Variants in KIAA1217 observed in about 807,000 individuals in gnomAD.
KIAA1217 encodes KIAA1217.
In KIAA1217, 88 loss-of-function variants were observed where a neutral mutation model predicts 163.9. The ratio of observed to expected loss-of-function variants is 0.54; its 90% CI spans 0.45 to 0.64. The LOEUF (loss-of-function observed/expected upper bound fraction) is 0.64. Ranked by LOEUF, KIAA1217 falls within the 30% of genes least tolerant of loss-of-function variation. KIAA1217 has a pLI of 0.00. For synonymous variants in KIAA1217, 903 were observed against 923.1 expected, an observed-to-expected ratio of 0.98 and a Z score of 0.39; for missense variants, 2,372 against 2,475.0, an observed-to-expected ratio of 0.96 and a Z score of 0.88.
At chr10:24,452,089 C>T (rs74748384) in intron 5 of KIAA1217, among the ~76,000 whole-genome samples, 8,683 of 152,134 alleles carry the variant, frequency 0.057, 345 homozygotes, top group Non-Finnish European at 0.083. Flanking sequence ...GGAGAGAACA[C>T]GTTAATCTTT....
intron 9 of KIAA1217, among the ~76,000 whole-genome samples, chr10:24,510,370 A>T (rs189292097): frequency 1.5e-3 from 230 of 152,302 alleles, no homozygotes; most frequent in African/African-American, 5.3e-3. Context: ...CTTGTTTTAA[A>T]ATTTGGGCAG....
At chr10:24,437,926 GAAAA>G (rs2060195112) in intron 4 of KIAA1217, among the ~76,000 whole-genome samples, 2 of 84,678 alleles carry the variant, frequency 2.4e-5, no homozygotes, top group Non-Finnish European at 4.8e-5. Context: ...AAAAAAAAAA[GAAAA>G]AGAAAAAAAT....
chr10:24,005,999 A>G (rs1233661744), intron 1 of KIAA1217, among the ~76,000 whole-genome samples: 1 of 152,122 alleles, frequency 6.6e-6, no homozygotes, highest in African/African-American at 2.4e-5. Context: ...TTCGCCAGGA[A>G]CCTAGACTTC....
At chr10:23,872,380 C>T (rs145084341) in intron 1 of KIAA1217, among the ~76,000 whole-genome samples, 1 of 152,122 alleles carries the variant, frequency 6.6e-6, no homozygotes, top group African/African-American at 2.4e-5. Flanking sequence ...AGAACAAGTT[C>T]ACTCACAGCT....
At chr10:23,750,117 G>T (rs1564389561) in intron 1 of KIAA1217, among the ~76,000 whole-genome samples, 1 of 151,948 alleles carries the variant, frequency 6.6e-6, no homozygotes, top group Non-Finnish European at 1.5e-5. Flanking sequence ...CTAGGCCATT[G>T]CAGTCCTTTC....
chr10:24,466,653 G>A (rs980883478), intron 5 of KIAA1217: 2 of 985,334 alleles, frequency 2.0e-6, no homozygotes, highest in African/African-American at 3.5e-5. Context: ...TGTTTCTGAA[G>A]AGGAAGCTGT....
intron 2 of KIAA1217, among the ~76,000 whole-genome samples, chr10:24,190,658 C>T (rs2066675015): frequency 6.6e-6 from 1 of 152,192 alleles, no homozygotes; most frequent in African/African-American, 2.4e-5. Flanking sequence ...AGAATTAGGA[C>T]GAGCCATGGA....
chr10:24,243,247 T>A (rs904625021), intron 2 of KIAA1217, among the ~76,000 whole-genome samples: 17 of 152,208 alleles, frequency 1.1e-4, no homozygotes, highest in Non-Finnish European at 2.9e-5. Flanking sequence ...GAGTCACTGA[T>A]GAAATGTTTC....
At chr10:24,314,531 G>A (rs1055132148) in intron 2 of KIAA1217, among the ~76,000 whole-genome samples, 1 of 152,182 alleles carries the variant, frequency 6.6e-6, no homozygotes, top group Non-Finnish European at 1.5e-5. Context: ...TAGAAAACAG[G>A]CAGGGGAGCC....
intron 2 of KIAA1217, among the ~76,000 whole-genome samples, chr10:24,112,208 C>G (rs557347486): frequency 6.6e-6 from 1 of 152,248 alleles, no homozygotes; most frequent in South Asian, 2.1e-4. Flanking sequence ...GTTGAGGTAT[C>G]CTGAATAGTA....
chr10:23,951,743 C>G (rs1844346645), intron 1 of KIAA1217, among the ~76,000 whole-genome samples: 1 of 152,150 alleles, frequency 6.6e-6, no homozygotes, highest in African/African-American at 2.4e-5. Context: ...CCAGAGTTTC[C>G]TTGTGCTTGT....
At chr10:23,925,997 C>T (rs76133679) in intron 1 of KIAA1217, among the ~76,000 whole-genome samples, 3,850 of 152,216 alleles carry the variant, frequency 0.025, 155 homozygotes, top group African/African-American at 0.087. Flanking sequence ...TTTCAAAATG[C>T]GCATACTTAC....
At chr10:24,226,832 T>G (rs1364932708) in intron 2 of KIAA1217, among the ~76,000 whole-genome samples, 1 of 152,188 alleles carries the variant, frequency 6.6e-6, no homozygotes, top group Non-Finnish European at 1.5e-5. Flanking sequence ...GGTCACTGTG[T>G]AACTGCACAG....
At chr10:23,854,350 C>T (rs939353304) in intron 1 of KIAA1217, among the ~76,000 whole-genome samples, 8 of 152,110 alleles carry the variant, frequency 5.3e-5, no homozygotes, top group African/African-American at 1.9e-4. Context: ...ATCCTAAGTT[C>T]TAGTTTGATT....
chr10:24,279,041 G>A (rs990015691), intron 2 of KIAA1217, among the ~76,000 whole-genome samples: 10 of 151,866 alleles, frequency 6.6e-5, no homozygotes, highest in Middle Eastern at 3.4e-3. Flanking sequence ...GTAGAGACAG[G>A]GTTTGCCAGG....
chr10:24,390,510 A>C (rs913249101), intron 3 of KIAA1217, among the ~76,000 whole-genome samples: 5 of 146,864 alleles, frequency 3.4e-5, no homozygotes, highest in African/African-American at 1.3e-4. Context: ...GGAAGGAAGG[A>C]AGGAAGGAAG....
intron 2 of KIAA1217, among the ~76,000 whole-genome samples, chr10:24,051,479 T>G (rs1849507015): frequency 6.6e-6 from 1 of 152,170 alleles, no homozygotes; most frequent in South Asian, 2.1e-4. Flanking sequence ...AAGGAATTTC[T>G]ATGTTTTCTG....
intron 2 of KIAA1217, among the ~76,000 whole-genome samples, chr10:24,046,871 C>T (rs1436653990): frequency 2.0e-5 from 3 of 151,420 alleles, no homozygotes; most frequent in Admixed American, 6.6e-5. Flanking sequence ...TGATGCTAGA[C>T]CACCTTTCTA....
intron 3 of KIAA1217, among the ~76,000 whole-genome samples, chr10:24,431,554 T>A (rs896457326): frequency 1.3e-5 from 2 of 152,104 alleles, no homozygotes; most frequent in Non-Finnish European, 2.9e-5. Context: ...AGCTGTAAAA[T>A]GGGCGCTTAG....
Sources: allele counts gnomAD v4.1 joint callset (sites outside exome capture counted in the v4.1 genomes callset), GRCh38; gene constraint gnomAD v4.1.1; transcripts MANE v1.5; gene names NCBI Gene and HGNC (gene_info 2026-07-23, HGNC 2026-07-21).